AFAP1L2: variants seen among roughly 807,000 people sequenced by gnomAD.
AFAP1L2 encodes actin filament-associated protein 1-like 2.
A neutral mutation model predicts 99.3 loss-of-function variants in AFAP1L2; 46 were observed. The observed-to-expected ratio is 0.46, with a 90% CI of 0.37 to 0.59. The LOEUF is 0.59. Ranked by LOEUF, AFAP1L2 falls within the 20% of genes least tolerant of loss-of-function variation. AFAP1L2 has a pLI of 0.00. For missense variants in AFAP1L2, 959 were observed against 1,034.9 expected (o/e 0.93, Z 1.01); for synonymous variants, 397 against 419.1 (o/e 0.95, Z 0.64).
At chr10:114,312,763 G>C (rs569446270) in intron 7 of AFAP1L2, among the ~76,000 whole-genome samples, 2 of 152,182 alleles carry the variant, frequency 1.3e-5, no homozygotes, top group African/African-American at 4.8e-5. Context: ...CCACAAACCT[G>C]TCTATGCAGT....
intron 4 of AFAP1L2, among the ~76,000 whole-genome samples, chr10:114,327,169 A>ATTT (rs1392379654): frequency 2.3e-4 from 17 of 75,546 alleles, no homozygotes; most frequent in African/African-American, 6.7e-4. Context: ...ATATATATAT[A>ATTT]TATATTTTTT....
chr10:114,308,684 T>C (rs1391513466), intron 8 of AFAP1L2, among the ~76,000 whole-genome samples, 167 bp from the exon 9 acceptor site: 2 of 152,188 alleles, frequency 1.3e-5, no homozygotes, highest in Non-Finnish European at 1.5e-5. Flanking sequence ...TGGTAGGACA[T>C]TGGCCCAGCT....
chr10:114,315,009 C>T (rs967146568), intron 6 of AFAP1L2, among the ~76,000 whole-genome samples: 2 of 152,068 alleles, frequency 1.3e-5, no homozygotes, highest in Non-Finnish European at 2.9e-5. Flanking sequence ...GGCGTGGTGG[C>T]GGGCGCCTGT....
At chr10:114,344,244 G>A (rs1221473095) in intron 1 of AFAP1L2, among the ~76,000 whole-genome samples, 1 of 152,068 alleles carries the variant, frequency 6.6e-6, no homozygotes, top group Non-Finnish European at 1.5e-5. Flanking sequence ...GTTTCCTGTC[G>A]GCCCCAGGAA....
intron 12 of AFAP1L2, 38 bp from the exon 13 acceptor site, chr10:114,301,503 G>A: frequency 1.3e-6 from 2 of 1,485,430 alleles, no homozygotes; most frequent in Non-Finnish European, 1.9e-6. Context: ...GAAGCAGCCG[G>A]GGCAGGGTGG....
rs750411935 is a variant in AFAP1L2, at chr10:114,297,248, G to T, written c.2279C>A (p.Thr760Asn). Residue 760 changes from threonine to asparagine, a missense_variant, in exon 17 of 19, where the codon ACC (threonine) becomes AAC (asparagine). Around this residue, in one of 2 missense-constraint regions of AFAP1L2, gnomAD observed 576 missense variants for 562.1 expected, o/e 1.02. Coordinates refer to ENST00000304129, the MANE Select transcript of AFAP1L2 (RefSeq NM_001001936.3). ...GPVTLGTTVD[T>N]THLENVSPRP... ...GGGGCTCACATTCTCCAGGTGGGTG[G>T]TGTCCACGGTGGTGCCTAACGTCAC... 3 of 1,613,998 alleles carry T rather than the reference G, an allele frequency of 1.9e-6. No homozygotes were observed. The South Asian group carries it at 3.3e-5, about 18-fold the overall frequency.
chr10:114,287,463 G>C, the AFAP1L2 span, among the ~76,000 whole-genome samples: 7 of 152,172 alleles, frequency 4.6e-5, no homozygotes, highest in African/African-American at 1.7e-4. Context: ...TTACAGGCTT[G>C]AGTGAAATGT....
chr10:114,320,599 A>G (rs562788250), intron 5 of AFAP1L2, among the ~76,000 whole-genome samples: 7 of 152,232 alleles, frequency 4.6e-5, no homozygotes, highest in Admixed American at 3.3e-4. Flanking sequence ...TCCATCTTGG[A>G]GCTTTCCTGA....
intron 1 of AFAP1L2, among the ~76,000 whole-genome samples, chr10:114,375,611 T>C (rs867962027): frequency 1.3e-5 from 2 of 152,186 alleles, no homozygotes; most frequent in Non-Finnish European, 2.9e-5. Context: ...CAAATGTTTA[T>C]TCATAAAAAT....
At chr10:114,363,276 C>T (rs1106475) in intron 1 of AFAP1L2, 96,756 of 689,236 alleles carry the variant, frequency 0.14, 7,484 homozygotes, top group East Asian at 0.25. Flanking sequence ...TTTACCGTAA[C>T]ATGTAGCCTG....
rs541796039 is a variant in AFAP1L2, at chr10:114,404,222, G to A, written c.16+218C>T. Among the ~76,000 whole-genome samples the A allele has an allele frequency of 2.0e-3, 311 of 152,204 alleles. 2 individuals carry two copies. The highest frequency in any genetic ancestry group is 7.0e-3 in the African/African-American group (292 of 41,560). On this transcript the variant is annotated intron_variant, in intron 1 of 18. Coordinates refer to ENST00000304129, the MANE Select transcript of AFAP1L2 (RefSeq NM_001001936.3). ...CTGACGACCCCCTCCTTCCGCGCCC[G>A]GGAGGATCAAAGGGCTCGGGCCGCA...
intron 1 of AFAP1L2, among the ~76,000 whole-genome samples, chr10:114,376,511 G>C (rs1237427418): frequency 6.6e-6 from 1 of 152,202 alleles, no homozygotes; most frequent in Non-Finnish European, 1.5e-5. Flanking sequence ...ACATGGGGTA[G>C]AGCCTATTCA....
intron 10 of AFAP1L2, among the ~76,000 whole-genome samples, chr10:114,305,669 G>GTGCAGGAGGGGACGGGGC (rs2042164670): frequency 9.4e-6 from 1 of 106,270 alleles, no homozygotes; most frequent in South Asian, 3.5e-4. Flanking sequence ...GGGGATGCAG[G>GTGCAGGAGGGGACGGGGC]TGCAGGAGGG....
the AFAP1L2 span, chr10:114,289,211 T>C: frequency 6.2e-7 from 1 of 1,613,780 alleles, no homozygotes; most frequent in South Asian, 1.1e-5. Flanking sequence ...ACCGCCCTGC[T>C]GCACATCTAT....
At chr10:114,292,926 C>T (rs1489925359), downstream of AFAP1L2, among the ~76,000 whole-genome samples, 2 of 152,162 alleles carry the variant, frequency 1.3e-5, no homozygotes, top group Admixed American at 6.5e-5. Context: ...AGGCTAGTCT[C>T]GAACTTCTGA....
chr10:114,384,654 A>C (rs2056256810), intron 1 of AFAP1L2, among the ~76,000 whole-genome samples: 1 of 152,178 alleles, frequency 6.6e-6, no homozygotes, highest in African/African-American at 2.4e-5. Context: ...CACTAATCAC[A>C]TAGTAGGTAA....
At chr10:114,401,469 A>G (rs1327723703) in intron 1 of AFAP1L2, among the ~76,000 whole-genome samples, 1 of 152,176 alleles carries the variant, frequency 6.6e-6, no homozygotes, top group African/African-American at 2.4e-5. Flanking sequence ...TTCTCAAAGC[A>G]CCCTGTAGGA....
At chr10:114,373,661 A>G (rs2054428895) in intron 1 of AFAP1L2, among the ~76,000 whole-genome samples, 1 of 152,020 alleles carries the variant, frequency 6.6e-6, no homozygotes, top group Non-Finnish European at 1.5e-5. Flanking sequence ...AACAACAACA[A>G]AACAAAACAA....
intron 3 of AFAP1L2, among the ~76,000 whole-genome samples, chr10:114,332,805 C>T (rs1311956609): frequency 6.6e-6 from 1 of 152,246 alleles, no homozygotes; most frequent in African/African-American, 2.4e-5. Flanking sequence ...CTTTGAACAT[C>T]ATCTTTGACT....
Sources: gnomAD v4.1 joint callset for allele counts (sites outside exome capture counted in the v4.1 genomes callset) on GRCh38, gnomAD v4.1.1 for gene constraint, gnomAD v4.1.1 regional missense constraint, MANE v1.5 for transcripts, NCBI Gene and HGNC (gene_info 2026-07-23, HGNC 2026-07-21) for gene names.